STARD13: variants seen among roughly 807,000 people sequenced by gnomAD.
STARD13 encodes the protein StAR related lipid transfer domain containing 13.
Under a neutral mutation model 106.4 loss-of-function variants are expected in STARD13, and 62 were observed. That is an observed-to-expected ratio of 0.58 (90% CI 0.48 to 0.72). The LOEUF (loss-of-function observed/expected upper bound fraction) is 0.72, where lower values mean the gene tolerates loss of function less well. Among genes scored for constraint, STARD13 ranks in the 30% least tolerant of loss-of-function variants. The pLI, the probability that STARD13 is intolerant of heterozygous loss-of-function variation, is 0.00. For synonymous variants in STARD13, 565 were observed against 553.0 expected (o/e 1.02, Z -0.31); for missense variants, 1,387 against 1,424.0 (o/e 0.97, Z 0.42).
chr13:33,286,869 T>C (rs1892083710), upstream of STARD13, among the ~76,000 whole-genome samples: 2 of 151,994 alleles, frequency 1.3e-5, no homozygotes, highest in Non-Finnish European at 2.9e-5. Flanking sequence ...TATACGTGTA[T>C]ATATATATGT....
Position 33,155,601 on chromosome 13 carries a change from A to G in STARD13, c.323+9736T>C, listed in dbSNP as rs926009178. On this transcript the variant is annotated intron_variant, in intron 3 of 13. Transcript: ENST00000336934. ...CTGAAAGCTTAGGCATATAAAAGTC[A>G]TCCTGAGTACCTGGTTGAAAAAGAT... The G allele has an allele frequency of 9.2e-5, 14 of 152,334 alleles. 1 individual carries two copies. Among genetic ancestry groups the G allele is most frequent in the African/African-American group, 2.6e-4 (11 of 41,570 alleles). 9.4% of individuals were successfully genotyped at this position (152,334 alleles called of 1,614,324 possible).
chr13:33,625,710 CT>C, the STARD13 span, among the ~76,000 whole-genome samples: 10 of 118,072 alleles, frequency 8.5e-5, no homozygotes, highest in South Asian at 4.4e-4. Context: ...TAATGGTACC[CT>C]TTTTTTTTTG....
the STARD13 span, among the ~76,000 whole-genome samples, chr13:33,549,027 A>G: frequency 6.6e-6 from 1 of 152,192 alleles, no homozygotes; most frequent in African/African-American, 2.4e-5. Context: ...TACCATATAA[A>G]TATTTTTAAA....
chr13:33,576,233 T>C, the STARD13 span, among the ~76,000 whole-genome samples: 13 of 151,884 alleles, frequency 8.6e-5, no homozygotes, highest in Non-Finnish European at 1.6e-4. Context: ...GTTCTGCTCT[T>C]TTTTTTTGAA....
chr13:33,489,308 T>C, the STARD13 span, among the ~76,000 whole-genome samples: 1 of 152,242 alleles, frequency 6.6e-6, no homozygotes, highest in Non-Finnish European at 1.5e-5. Flanking sequence ...GTTTTCTGCC[T>C]TCTCTTTTAA....
chr13:33,485,578 G>C, the STARD13 span, among the ~76,000 whole-genome samples: 17 of 152,240 alleles, frequency 1.1e-4, no homozygotes, highest in African/African-American at 4.1e-4. Context: ...AAATGGCTGG[G>C]CCTTGCTAAT....
chr13:33,490,287 A>G, the STARD13 span, among the ~76,000 whole-genome samples: 2 of 152,168 alleles, frequency 1.3e-5, no homozygotes, highest in East Asian at 3.9e-4. Flanking sequence ...TGGGTAGAAG[A>G]AGGCAGTTCC....
chr13:33,108,220 C>T (rs1367249588), intron 12 of STARD13, among the ~76,000 whole-genome samples: 1 of 152,202 alleles, frequency 6.6e-6, no homozygotes, highest in African/African-American at 2.4e-5. Context: ...ACATGCTAGC[C>T]TAGACTGTAA....
chr13:33,208,233 G>A (rs1887526570), intron 1 of STARD13, among the ~76,000 whole-genome samples: 1 of 152,150 alleles, frequency 6.6e-6, no homozygotes, highest in African/African-American at 2.4e-5. Context: ...AGTGGGAGGT[G>A]GAAGGAGTCT....
the STARD13 span, among the ~76,000 whole-genome samples, chr13:33,668,286 C>T: frequency 1.3e-3 from 194 of 152,228 alleles, no homozygotes; most frequent in African/African-American, 4.4e-3. Context: ...AAAAATGGAC[C>T]TCTAGGAAAA....
At chr13:33,529,768 C>T in the STARD13 span, among the ~76,000 whole-genome samples, 1 of 152,066 alleles carries the variant, frequency 6.6e-6, no homozygotes, top group African/African-American at 2.4e-5. Context: ...AGCAGTATTT[C>T]AGGGGATGGG....
At chr13:33,122,861 C>A (rs1291586943) in intron 7 of STARD13, among the ~76,000 whole-genome samples, 3 of 151,946 alleles carry the variant, frequency 2.0e-5, no homozygotes, top group African/African-American at 7.3e-5. Flanking sequence ...TCGAGACCAG[C>A]CTGGCCAACA....
chr13:33,144,232 C>A (rs144037857), intron 3 of STARD13, among the ~76,000 whole-genome samples: 1 of 152,216 alleles, frequency 6.6e-6, no homozygotes, highest in Non-Finnish European at 1.5e-5. Context: ...GTTTCTCCTA[C>A]GTACTGTCTT....
At chr13:33,334,404 T>C (rs1394648399) in intron 1 of STARD13, among the ~76,000 whole-genome samples, 1 of 152,170 alleles carries the variant, frequency 6.6e-6, no homozygotes, top group Non-Finnish European at 1.5e-5. Flanking sequence ...AGTCTGCACT[T>C]CACTACCTGC....
intron 3 of STARD13, chr13:33,158,880 G>A (rs1213986386): frequency 2.6e-5 from 4 of 152,266 alleles, no homozygotes; most frequent in Non-Finnish European, 5.9e-5. Context: ...ACCTCCATCT[G>A]TCTACCTCCT....
intron 1 of STARD13, chr13:33,276,815 T>G (rs957631832): frequency 6.6e-6 from 1 of 152,170 alleles, no homozygotes; most frequent in Admixed American, 6.6e-5. Context: ...TTTATCCAAC[T>G]GTTAGGAGGC....
chr13:33,449,996 G>A, the STARD13 span, among the ~76,000 whole-genome samples: 1 of 152,034 alleles, frequency 6.6e-6, no homozygotes, highest in Non-Finnish European at 1.5e-5. Context: ...GAAGTACGGG[G>A]TTTTCTATAT....
chr13:33,507,484 C>G, the STARD13 span, among the ~76,000 whole-genome samples: 3 of 152,082 alleles, frequency 2.0e-5, no homozygotes, highest in Non-Finnish European at 4.4e-5. Flanking sequence ...ATCAGTAGCT[C>G]TTTGGGGTCC....
chr13:33,619,353 G>A, the STARD13 span, among the ~76,000 whole-genome samples: 3 of 151,606 alleles, frequency 2.0e-5, no homozygotes, highest in Admixed American at 2.0e-4. Context: ...CTAGCATACT[G>A]TAAAGCTGCA....
Sources: gnomAD v4.1 joint callset for allele counts (sites outside exome capture counted in the v4.1 genomes callset) on GRCh38, gnomAD v4.1.1 for gene constraint, MANE v1.5 for transcripts, NCBI Gene and HGNC (gene_info 2026-07-23, HGNC 2026-07-21) for gene names.